Variants in WDPCP observed in about 807,000 individuals in gnomAD.
WDPCP encodes the protein WD repeat-containing and planar cell polarity effector protein fritz homolog.
Under a neutral mutation model 93.1 loss-of-function variants are expected in WDPCP, and 71 were observed. The observed-to-expected ratio is 0.76, with a 90% CI of 0.63 to 0.93. The LOEUF is 0.93. WDPCP is among the 40% of genes least tolerant of loss of function. The pLI is 0.00. For missense variants in WDPCP, 844 were observed against 887.4 expected, an observed-to-expected ratio of 0.95 and a Z score of 0.62; for synonymous variants, 315 against 315.0, an observed-to-expected ratio of 1.00 and a Z score of 0.00.
At chr2:63,639,376 C>T (rs1242515808) in intron 3 of WDPCP, among the ~76,000 whole-genome samples, 1 of 152,148 alleles carries the variant, frequency 6.6e-6, no homozygotes, top group African/African-American at 2.4e-5. Context: ...AAACTCCTGG[C>T]CTCAAGCAAC....
At chr2:63,250,947 A>C (rs1171235564) in intron 14 of WDPCP, among the ~76,000 whole-genome samples, 1 of 152,132 alleles carries the variant, frequency 6.6e-6, no homozygotes, top group East Asian at 1.9e-4. Context: ...TTCCACTGTA[A>C]CCTCATTTCA....
At chr2:63,255,317 A>C (rs1270647921) in intron 14 of WDPCP, among the ~76,000 whole-genome samples, 1 of 152,170 alleles carries the variant, frequency 6.6e-6, no homozygotes, top group Non-Finnish European at 1.5e-5. Context: ...TAAGAACTAG[A>C]AAGGAAGGAA....
chr2:63,137,146 A>G (rs776595973), intron 17 of WDPCP, among the ~76,000 whole-genome samples: 1 of 152,198 alleles, frequency 6.6e-6, no homozygotes, highest in African/African-American at 2.4e-5. Context: ...TCTCTTCCAC[A>G]GTGGTTGAAC....
intron 15 of WDPCP, among the ~76,000 whole-genome samples, chr2:63,170,984 T>C (rs1439638611): frequency 6.6e-6 from 1 of 151,860 alleles, no homozygotes; most frequent in Non-Finnish European, 1.5e-5. Flanking sequence ...TTTTTTTTCT[T>C]CCTCAAAAAA....
chr2:63,704,212 G>T (rs1231428725), intron 2 of WDPCP, among the ~76,000 whole-genome samples: 1 of 152,140 alleles, frequency 6.6e-6, no homozygotes, highest in Non-Finnish European at 1.5e-5. Context: ...GAGATGATGG[G>T]GTTTTCTAGA....
intron 9 of WDPCP, among the ~76,000 whole-genome samples, chr2:63,407,583 A>G (rs1216918516): frequency 6.6e-6 from 1 of 152,120 alleles, no homozygotes; most frequent in African/African-American, 2.4e-5. Context: ...CACAGTCTTC[A>G]CCTACACACT....
At chr2:63,153,641 G>A in intron 15 of WDPCP, 67 bp from the exon 16 acceptor site, 1 of 1,094,928 alleles carries the variant, frequency 9.1e-7, no homozygotes, top group Non-Finnish European at 1.3e-6. Context: ...TTAGGTATAA[G>A]TTATAGATTT....
intron 13 of WDPCP, among the ~76,000 whole-genome samples, chr2:63,277,318 A>G (rs13414491): frequency 1.6e-3 from 251 of 152,268 alleles, no homozygotes; most frequent in African/African-American, 5.7e-3. Flanking sequence ...CAATAACACA[A>G]TGGGAAAACA....
chr2:63,429,976 T>TACACACACAC (rs199517613), intron 9 of WDPCP, among the ~76,000 whole-genome samples: 156 of 137,452 alleles, frequency 1.1e-3, no homozygotes, highest in Non-Finnish European at 1.5e-3. Context: ...GAAAATGTTA[T>TACACACACAC]ACACACACAC....
chr2:63,503,775 TA>T (rs886906351), intron 1 of WDPCP, among the ~76,000 whole-genome samples: 1 of 151,984 alleles, frequency 6.6e-6, no homozygotes, highest in Admixed American at 6.6e-5. Flanking sequence ...CCTAAATAGC[TA>T]AAATAAAGGC....
intron 14 of WDPCP, among the ~76,000 whole-genome samples, chr2:63,236,929 T>C (rs1679451430): frequency 2.0e-5 from 3 of 151,940 alleles, no homozygotes; most frequent in Non-Finnish European, 4.4e-5. Context: ...AAAGAATTTA[T>C]GACTTGATAG....
chr2:63,663,506 G>A (rs1334504977), intron 2 of WDPCP, among the ~76,000 whole-genome samples: 1 of 152,216 alleles, frequency 6.6e-6, no homozygotes, highest in Non-Finnish European at 1.5e-5. Context: ...AGAGAGAGAG[G>A]AAGCAGAGAT....
At chr2:63,557,169 A>C (rs982759073) in intron 1 of WDPCP, among the ~76,000 whole-genome samples, 1 of 152,164 alleles carries the variant, frequency 6.6e-6, no homozygotes, top group African/African-American at 2.4e-5. Flanking sequence ...ATTTAACCGT[A>C]AATGTAAATG....
intron 1 of WDPCP, among the ~76,000 whole-genome samples, chr2:63,534,364 G>A (rs534990029): frequency 2.0e-5 from 3 of 152,220 alleles, no homozygotes; most frequent in African/African-American, 7.2e-5. Flanking sequence ...ATTTTATGAG[G>A]CCAGCATCAA....
At chr2:63,335,426 ATT>A (rs34221663) in intron 12 of WDPCP, among the ~76,000 whole-genome samples, 1 of 146,884 alleles carries the variant, frequency 6.8e-6, no homozygotes, top group Non-Finnish European at 1.5e-5. Flanking sequence ...AGAATGAAAG[ATT>A]TTTTTTTTTT....
chr2:63,397,370 C>G (rs1476157188), intron 10 of WDPCP, among the ~76,000 whole-genome samples: 1 of 152,088 alleles, frequency 6.6e-6, no homozygotes, highest in Non-Finnish European at 1.5e-5. Context: ...AAAAAGATGA[C>G]TTCATGTCTG....
rs370328516 is a variant in WDPCP, at chr2:63,264,849, T to A, written c.1813-5440A>T. Among the ~76,000 whole-genome samples, 27 of 152,304 alleles carry A rather than the reference T, an allele frequency of 1.8e-4. 1 individual carries two copies. The East Asian group carries it at 4.2e-3, about 24-fold the overall frequency. On this transcript the variant is annotated intron_variant, in intron 13 of 17. Coordinates refer to ENST00000272321, the MANE Select transcript of WDPCP (RefSeq NM_015910.7). Reference sequence around the variant, plus strand: ...GCCACAAAACAAGTCTTAACAAATTTAGGAAGACTGAAATCATATATTTTC... The same window carrying A: ...GCCACAAAACAAGTCTTAACAAATTAAGGAAGACTGAAATCATATATTTTC...
intron 9 of WDPCP, among the ~76,000 whole-genome samples, chr2:63,420,066 T>G (rs1695728202): frequency 6.6e-6 from 1 of 152,148 alleles, no homozygotes; most frequent in Non-Finnish European, 1.5e-5. Context: ...ATACTTTATT[T>G]TTACTTTTTT....
At chr2:63,229,184 T>A (rs1164094717) in intron 14 of WDPCP, 1 of 152,240 alleles carries the variant, frequency 6.6e-6, no homozygotes, top group Non-Finnish European at 1.5e-5. Context: ...TGATGGCCAG[T>A]GATGATGAGC....
Sources: allele counts gnomAD v4.1 joint callset (sites outside exome capture counted in the v4.1 genomes callset), GRCh38; gene constraint gnomAD v4.1.1; transcripts MANE v1.5; gene names NCBI Gene and HGNC (gene_info 2026-07-23, HGNC 2026-07-21).